Variants in BLM observed in about 807,000 individuals in gnomAD.
BLM encodes recQ-like DNA helicase BLM.
BLM carries 95 observed loss-of-function variants against 135.3 expected under a neutral mutation model. That is an observed-to-expected ratio of 0.70 (90% CI 0.59 to 0.83). BLM has a LOEUF of 0.83. Ranked by LOEUF, BLM falls within the 40% of genes least tolerant of loss-of-function variation. The pLI, the probability that BLM is intolerant of heterozygous loss-of-function variation, is 0.00. For synonymous variants in BLM, 520 were observed against 589.2 expected (o/e 0.88, Z 1.70); for missense variants, 1,518 against 1,663.9 (o/e 0.91, Z 1.53).
chr15:90,808,739 G>T (rs1262375937), intron 19 of BLM: 2 of 323,220 alleles, frequency 6.2e-6, no homozygotes, highest in Non-Finnish European at 1.2e-5. Flanking sequence ...GCAGAGAAGA[G>T]GCTGGAGCTG....
chr15:90,734,479 G>A (rs550681343), intron 1 of BLM, among the ~76,000 whole-genome samples: 4 of 151,978 alleles, frequency 2.6e-5, no homozygotes, highest in African/African-American at 4.8e-5. Context: ...GTAGAGATGC[G>A]GTTTCACCAT....
intron 12 of BLM, among the ~76,000 whole-genome samples, chr15:90,780,893 A>G (rs1032258795): frequency 2.0e-5 from 3 of 152,264 alleles, no homozygotes; most frequent in East Asian, 3.8e-4. Context: ...GGATGTGCAT[A>G]GGTTATATAC....
intron 1 of BLM, among the ~76,000 whole-genome samples, chr15:90,720,512 GT>G (rs1225677064): frequency 1.3e-5 from 2 of 152,086 alleles, no homozygotes; most frequent in Non-Finnish European, 2.9e-5. Flanking sequence ...TATAAAATTA[GT>G]TATACAGATT....
At chr15:90,746,049 G>C (rs1408079798) in intron 1 of BLM, among the ~76,000 whole-genome samples, 1 of 152,166 alleles carries the variant, frequency 6.6e-6, no homozygotes. Flanking sequence ...GTGTACTCCA[G>C]CCTGGGCAAC....
intron 2 of BLM, among the ~76,000 whole-genome samples, chr15:90,748,862 A>G (rs1262567298): frequency 6.6e-6 from 1 of 150,678 alleles, no homozygotes; most frequent in East Asian, 1.9e-4. Context: ...GGTTCAAGCT[A>G]TTCTCCTGCC....
intron 8 of BLM, 113 bp from the exon 9 acceptor site, chr15:90,765,183 A>C: frequency 2.4e-6 from 2 of 850,160 alleles, no homozygotes; most frequent in Non-Finnish European, 4.1e-6. Flanking sequence ...AATTGTTGGC[A>C]CCAGGGACAA....
chr15:90,727,888 T>C (rs958794972), intron 1 of BLM, among the ~76,000 whole-genome samples: 2 of 138,860 alleles, frequency 1.4e-5, no homozygotes, highest in African/African-American at 5.4e-5. Context: ...GTTAAGTTCC[T>C]CCAGAAAAAA....
In BLM at chr15:90,806,453, G is replaced by A. The variant is rs531848942; in HGVS notation, c.3751+2094G>A. Among the ~76,000 whole-genome samples the A allele has an allele frequency of 5.3e-5, 8 of 151,068 alleles. No homozygotes were observed. The South Asian group carries it at 8.3e-4, about 16-fold the overall frequency. On this transcript the variant is annotated intron_variant, in intron 19 of 21. Transcript: ENST00000355112. ...TTGAACCCAGGAGGTGGAGGTTGCAGTGAGCCAAGATCGTGCCACTGCCCT... is the reference window on the plus strand; with the variant it reads ...TTGAACCCAGGAGGTGGAGGTTGCAATGAGCCAAGATCGTGCCACTGCCCT...
At chr15:90,799,145 CAG>C (rs1243604987) in intron 17 of BLM, among the ~76,000 whole-genome samples, 1 of 143,894 alleles carries the variant, frequency 6.9e-6, no homozygotes, top group Non-Finnish European at 1.6e-5. Context: ...AGCCTGGCAA[CAG>C]AGTGAGACTC....
intron 10 of BLM, among the ~76,000 whole-genome samples, chr15:90,768,230 A>G (rs543385923): frequency 5.9e-5 from 9 of 152,314 alleles, no homozygotes; most frequent in Non-Finnish European, 1.3e-4. Flanking sequence ...AGCGTGAGCC[A>G]CTGTGCCCAG....
rs766959130 is a variant in BLM at position 90,811,349 on chromosome 15, C to T, written c.4019C>T (p.Pro1340Leu). 6 of 1,614,046 alleles carry T rather than the reference C, an allele frequency of 3.7e-6. No homozygotes were observed. The East Asian group carries it at 1.1e-4, about 30-fold the overall frequency. Residue 1340 changes from proline to leucine, a missense_variant, in exon 21 of 22, where the codon CCA (proline) becomes CTA (leucine). By Grantham distance (98) the Pro-to-Leu change is moderately conservative. This residue lies in a region of BLM where 153 missense variants were observed against 173.4 expected (regional missense o/e 0.88). Coordinates refer to ENST00000355112, the MANE Select transcript of BLM (RefSeq NM_000057.4). The part of the protein sequence containing the change: ...TRNERKRKKM[P>L]ASQRSKRRKT... ...AATGAAAGGAAGAGGAAAAAGATGC[C>T]AGCCTCCCAAAGGTCTAAGAGGAGA... is the stretch of plus-strand genomic sequence containing the variant.
At chr15:90,772,362 G>C (rs1567047063) in intron 12 of BLM, among the ~76,000 whole-genome samples, 1 of 152,136 alleles carries the variant, frequency 6.6e-6, no homozygotes, top group Admixed American at 6.6e-5. Flanking sequence ...ATATGAACTG[G>C]AAGAGAGCAA....
chr15:90,815,249 G>A lies in BLM; in HGVS notation c.4224G>A (p.Pro1408=), dbSNP rs774367622. 47 of 1,614,046 alleles carry A rather than the reference G, an allele frequency of 2.9e-5. No individual in the cohort carries two copies. The South Asian group carries it at 4.1e-4, about 14-fold the overall frequency. The change falls in exon 22 of 22, where the codon CCG becomes CCA. Residue 1408 remains proline, a synonymous_variant. Coordinates refer to ENST00000355112, the MANE Select transcript of BLM (RefSeq NM_000057.4). This position sits in a 1 kb window ranked among gnomAD's most constrained non-coding sequence, Gnocchi z 4.6. ...IMAPPKPINR[P]FLKPSYAFS is the part of the protein sequence containing the mutation. ...CTCCACCGAAGCCTATAAATAGACC[G>A]TTTCTTAAGCCTTCATATGCATTCT...
chr15:90,761,361 G>C, intron 7 of BLM, 106 bp downstream of exon 7: 2 of 932,268 alleles, frequency 2.1e-6, no homozygotes, highest in Non-Finnish European at 2.9e-6. Flanking sequence ...AAACATTGTT[G>C]CTATGCAAAT....
intron 3 of BLM, 51 bp downstream of exon 3, chr15:90,750,118 C>T: frequency 6.4e-7 from 1 of 1,568,668 alleles, no homozygotes; most frequent in Middle Eastern, 1.7e-4. Flanking sequence ...CTTTTTTATT[C>T]AAAGCTAGCC....
chr15:90,814,963 A>T, intron 21 of BLM, 139 bp from the exon 22 acceptor site: 1 of 783,350 alleles, frequency 1.3e-6, no homozygotes, highest in Non-Finnish European at 2.1e-6. Context: ...TACCTTACCT[A>T]GGGGGCTCGT....
chr15:90,806,292 C>T (rs1897283545), intron 19 of BLM, among the ~76,000 whole-genome samples: 1 of 152,096 alleles, frequency 6.6e-6, no homozygotes, highest in Non-Finnish European at 1.5e-5. Context: ...GGACGGATTG[C>T]CTGAGGTCAG....
chr15:90,760,481 G>A (rs1263894160), intron 6 of BLM, 113 bp from the exon 7 acceptor site: 3 of 1,325,720 alleles, frequency 2.3e-6, no homozygotes, highest in African/African-American at 1.5e-5. Context: ...TGGGAAAAAA[G>A]CGAATATATT....
chr15:90,784,365 A>G (rs1312115951), intron 13 of BLM, among the ~76,000 whole-genome samples: 5 of 112,302 alleles, frequency 4.5e-5, no homozygotes, highest in African/African-American at 1.5e-4. Context: ...GCTGAGTCTC[A>G]CTCTATCTCC....
Sources: gnomAD v4.1 joint callset for allele counts (sites outside exome capture counted in the v4.1 genomes callset) on GRCh38, gnomAD v4.1.1 for gene constraint, gnomAD v4.1.1 regional missense constraint, Gnocchi (gnomAD v3.1) non-coding constraint, MANE v1.5 for transcripts, NCBI Gene and HGNC (gene_info 2026-07-23, HGNC 2026-07-21) for gene names.